The following SLC38A8 variants were observed in gnomAD, a reference collection of about 807,000 sequenced individuals.
SLC38A8 encodes amino acid transporter SLC38A8.
A neutral mutation model predicts 46.0 loss-of-function variants in SLC38A8; 65 were observed. The observed-to-expected ratio is 1.41, with a 90% CI of 1.16 to 1.74. SLC38A8 has a LOEUF of 1.74. SLC38A8 is among the 40% of genes most tolerant of loss of function. The pLI is 0.00. For synonymous variants in SLC38A8, 447 were observed against 243.7 expected (o/e 1.83, Z -7.77); for missense variants, 998 against 567.9 (o/e 1.76, Z -7.70).
chr16:84,020,512 G>C lies in SLC38A8; in HGVS notation c.805+2263C>G, dbSNP rs377079669. 3.1e-4 allele frequency among the ~76,000 whole-genome samples: 47 copies of C among 152,316 alleles called. No homozygotes were observed. The South Asian group carries it at 9.5e-3, about 31-fold the overall frequency. On this transcript the variant is annotated intron_variant, in intron 7 of 10. Coordinates refer to ENST00000299709, the MANE Select transcript of SLC38A8 (RefSeq NM_001080442.3). The stretch of plus-strand genomic sequence containing the variant: ...CTTCTGTAGCTCTCGCTATCTGCCA[G>C]CCTGCAGAATTAGCAACGCACGCAT...
chr16:84,018,714 G>A (rs1336851059), intron 7 of SLC38A8, among the ~76,000 whole-genome samples: 1 of 152,274 alleles, frequency 6.6e-6, no homozygotes, highest in East Asian at 1.9e-4. Flanking sequence ...AATTTTCCTT[G>A]TCATTGGGAT....
Position 84,029,574 on chromosome 16 carries a change from G to C in SLC38A8, c.633-23C>G, listed in dbSNP as rs551241809. 1.3e-5 allele frequency: 21 copies of C among 1,613,130 alleles called. No individual in the cohort carries two copies. The South Asian group carries it at 2.0e-4, about 15-fold the overall frequency. The stretch of plus-strand genomic sequence containing the variant: ...GGGCTGTAAACAGACAAGAACAGGA[G>C]TTTATTAAAGAAGGGTCACACCCGG... On this transcript the variant is annotated intron_variant, in intron 5 of 10. Coordinates refer to ENST00000299709, the MANE Select transcript of SLC38A8 (RefSeq NM_001080442.3).
intron 9 of SLC38A8, among the ~76,000 whole-genome samples, 162 bp from the exon 10 acceptor site, chr16:84,013,214 G>A (rs1282619245): frequency 1.1e-4 from 16 of 152,206 alleles, no homozygotes; most frequent in Admixed American, 9.8e-4. Context: ...GGAGCTGGAA[G>A]GACGGGGCTG....
intron 7 of SLC38A8, among the ~76,000 whole-genome samples, chr16:84,018,616 C>T (rs2085059682): frequency 6.6e-6 from 1 of 152,140 alleles, no homozygotes; most frequent in Non-Finnish European, 1.5e-5. Context: ...CCATGCCTGC[C>T]TCTTATGTGG....
chr16:84,039,973 C>A (rs1201052903), intron 2 of SLC38A8: 1 of 152,172 alleles, frequency 6.6e-6, no homozygotes, highest in Non-Finnish European at 1.5e-5. Flanking sequence ...TAATCGCGCC[C>A]GACCCTGCTT....
intron 7 of SLC38A8, among the ~76,000 whole-genome samples, chr16:84,020,035 C>T (rs1019272674): frequency 5.3e-5 from 8 of 152,328 alleles, no homozygotes; most frequent in African/African-American, 9.6e-5. Context: ...CTGGTAACTT[C>T]GCAGTTTGTA....
chr16:84,024,661 A>G (rs759862076), intron 6 of SLC38A8, among the ~76,000 whole-genome samples: 7 of 152,168 alleles, frequency 4.6e-5, no homozygotes, highest in Non-Finnish European at 1.0e-4. Flanking sequence ...AGCACCTGTA[A>G]TCCTAGTTAC....
At chr16:84,030,580 T>C (rs1310159734) in intron 5 of SLC38A8, among the ~76,000 whole-genome samples, 1 of 152,044 alleles carries the variant, frequency 6.6e-6, no homozygotes, top group East Asian at 1.9e-4. Flanking sequence ...CCTGAGCTGC[T>C]CCCAGGGACC....
In SLC38A8 at chr16:84,016,435, C is replaced by T; in HGVS notation, c.1162+84G>A. 5 of 1,499,196 alleles carry T rather than the reference C, an allele frequency of 3.3e-6. No homozygotes were observed. In the Admixed American group the frequency reaches 1.0e-4, roughly 30 times the overall value. 92.9% of individuals were successfully genotyped at this position (1,499,196 alleles called of 1,614,324 possible). On this transcript the variant is annotated intron_variant, in intron 9 of 10. Coordinates refer to ENST00000299709, the MANE Select transcript of SLC38A8 (RefSeq NM_001080442.3). ...CATATGTGGCTCCCACCTTCCAGAA[C>T]CTTGACCTCCAACACTGGGAGTCCC... is the stretch of plus-strand genomic sequence containing the variant.
intron 7 of SLC38A8, among the ~76,000 whole-genome samples, chr16:84,020,700 C>G (rs546372843): frequency 6.6e-6 from 1 of 152,274 alleles, no homozygotes; most frequent in African/African-American, 2.4e-5. Flanking sequence ...GGGTCTGTCC[C>G]CAAAACCATC....
intron 5 of SLC38A8, among the ~76,000 whole-genome samples, chr16:84,031,164 T>C (rs906888218): frequency 6.6e-6 from 1 of 152,052 alleles, no homozygotes; most frequent in Non-Finnish European, 1.5e-5. Context: ...CTCAGCCTCC[T>C]GAATAGCTGG....
At chr16:84,028,296 C>T (rs1219273202) in intron 6 of SLC38A8, among the ~76,000 whole-genome samples, 2 of 151,990 alleles carry the variant, frequency 1.3e-5, no homozygotes, top group African/African-American at 2.4e-5. Context: ...AAATAAGCAG[C>T]GTGGCCAGGC....
At chr16:84,043,178 C>A (rs1435574248), upstream of SLC38A8, among the ~76,000 whole-genome samples, 1 of 152,150 alleles carries the variant, frequency 6.6e-6, no homozygotes, top group African/African-American at 2.4e-5. Context: ...TCACCTGAGA[C>A]GGGGCTTGTT....
intron 2 of SLC38A8, among the ~76,000 whole-genome samples, chr16:84,039,643 G>A (rs1477827058): frequency 1.3e-5 from 2 of 151,942 alleles, no homozygotes; most frequent in South Asian, 2.1e-4. Flanking sequence ...CTACTTGGGA[G>A]GAGGCTGGGC....
intron 4 of SLC38A8, among the ~76,000 whole-genome samples, chr16:84,032,248 G>C (rs2089724): frequency 7.6e-4 from 116 of 152,270 alleles, no homozygotes; most frequent in African/African-American, 2.6e-3. Flanking sequence ...GAGTGCAGTG[G>C]CGCAATCTTG....
In SLC38A8 at chr16:84,017,288, C is replaced by T. The variant is rs1264247948; in HGVS notation, c.806-1G>A. 6.2e-7 allele frequency: 1 copy of T among 1,614,000 alleles called. No individual in the cohort carries two copies. Among genetic ancestry groups the T allele is most frequent in the Admixed American group, 1.7e-5 (1 of 60,006 alleles). ...CCAAAAGTCAGGAAGCCATAAACCC[C>T]TGAAGGTGGGAAAGGATGGAAGCCA... On this transcript the variant is annotated splice_acceptor_variant, in intron 7 of 10. Coordinates refer to ENST00000299709, the MANE Select transcript of SLC38A8 (RefSeq NM_001080442.3). LOFTEE classifies it high-confidence loss of function.
chr16:84,042,296 C>G (rs998328547), intron 1 of SLC38A8, 137 bp from the exon 2 acceptor site: 1 of 922,748 alleles, frequency 1.1e-6, no homozygotes, highest in East Asian at 2.7e-5. Flanking sequence ...CGTCAGCTCC[C>G]CCTTTCCAAA....
intron 7 of SLC38A8, among the ~76,000 whole-genome samples, chr16:84,021,536 T>A (rs1432090380): frequency 6.6e-6 from 1 of 152,238 alleles, no homozygotes; most frequent in East Asian, 1.9e-4. Context: ...CATATTTCCA[T>A]GACTAACTAG....
Position 84,030,447 on chromosome 16 carries a change from C to T in SLC38A8, c.633-896G>A, listed in dbSNP as rs115712112. 3.5e-3 allele frequency among the ~76,000 whole-genome samples: 534 copies of T among 152,190 alleles called. 3 individuals are homozygous for T. The highest frequency in any genetic ancestry group is 0.012 in the African/African-American group (505 of 41,508). Reference sequence around the variant, plus strand: ...GCCTTCAATGCCATGTCTGGGCCAACGTCAGCCACGTTTCTCCTGCCAGCC... The same window carrying T: ...GCCTTCAATGCCATGTCTGGGCCAATGTCAGCCACGTTTCTCCTGCCAGCC... On this transcript the variant is annotated intron_variant, in intron 5 of 10. Coordinates refer to ENST00000299709, the MANE Select transcript of SLC38A8 (RefSeq NM_001080442.3).
Sources: gnomAD v4.1 joint callset for allele counts (sites outside exome capture counted in the v4.1 genomes callset) on GRCh38, gnomAD v4.1.1 for gene constraint, MANE v1.5 for transcripts, NCBI Gene and HGNC (gene_info 2026-07-23, HGNC 2026-07-21) for gene names.